Variants in IRS1 observed in about 807,000 individuals in gnomAD.
IRS1 encodes insulin receptor substrate 1.
IRS1 carries 34 observed loss-of-function variants against 65.6 expected under a neutral mutation model. The ratio of observed to expected loss-of-function variants is 0.52; its 90% confidence interval spans 0.39 to 0.69. The LOEUF is 0.69. Ranked by LOEUF, IRS1 falls within the 30% of genes least tolerant of loss-of-function variation. The pLI, the probability that IRS1 is intolerant of heterozygous loss-of-function variation, is 0.00. For missense variants in IRS1, 1,641 were observed against 1,720.2 expected (o/e 0.95, Z 0.81); for synonymous variants, 699 against 683.5 (o/e 1.02, Z -0.35).
Position 226,794,910 on chromosome 2 carries a change from G to A in IRS1, c.*21+79C>T, listed in dbSNP as rs1939677511. The A allele has an allele frequency of 1.6e-6, 2 of 1,252,796 alleles. No homozygotes were observed. Among genetic ancestry groups the A allele is most frequent in the African/African-American group, 2.9e-5 (2 of 67,984 alleles). The allele number at this position is 1,252,796 out of a possible 1,614,324, so 77.6% of individuals were successfully genotyped here. A position where few individuals can be genotyped will look rare whatever the true frequency, so the allele number is the denominator to read the frequency against. Reference sequence around the variant, plus strand: ...AGGAAGCAGTGGGAAAGAACAGGAAGGGGCAGAGGCGAAGAACAGAATTCA... The same window carrying A: ...AGGAAGCAGTGGGAAAGAACAGGAAAGGGCAGAGGCGAAGAACAGAATTCA... On this transcript the variant is annotated intron_variant, in intron 1 of 1. Coordinates refer to ENST00000305123, the MANE Select transcript of IRS1 (RefSeq NM_005544.3). This position sits in a 1 kb window ranked among gnomAD's most constrained non-coding sequence, Gnocchi z 4.1.
At chr2:226,770,442 C>A (rs1231525417) in intron 1 of IRS1, among the ~76,000 whole-genome samples, 1 of 152,162 alleles carries the variant, frequency 6.6e-6, no homozygotes, top group Non-Finnish European at 1.5e-5. Flanking sequence ...CTGTTTAGTG[C>A]CTATTTCTCC....
intron 1 of IRS1, among the ~76,000 whole-genome samples, chr2:226,744,130 C>T (rs903596084): frequency 1.1e-4 from 17 of 152,142 alleles, no homozygotes; most frequent in African/African-American, 1.7e-4. Flanking sequence ...TGGTCTGCAG[C>T]GGACTGAGGT....
intron 1 of IRS1, among the ~76,000 whole-genome samples, chr2:226,756,898 G>C (rs1938814521): frequency 6.6e-6 from 1 of 152,020 alleles, no homozygotes; most frequent in South Asian, 2.1e-4. Flanking sequence ...GGAGGTGGAG[G>C]TTGCAGTGAG....
At chr2:226,769,320 T>G (rs1438657979) in intron 1 of IRS1, among the ~76,000 whole-genome samples, 1 of 152,192 alleles carries the variant, frequency 6.6e-6, no homozygotes, top group Admixed American at 6.5e-5. Context: ...TCACTGGCAG[T>G]GCAGTACACA....
chr2:226,799,141 C>G lies in IRS1; in HGVS notation c.-403G>C, dbSNP rs1201281209. ...GGTCCCTGCGGTGCCCCTCCAGGAG[C>G]GCGCGCGCGCGCGCGCCTTCCCTCC... On this transcript the variant is annotated 5_prime_UTR_variant, in exon 1 of 2. Coordinates refer to ENST00000305123, the MANE Select transcript of IRS1 (RefSeq NM_005544.3). The surrounding 1 kb of genome is among the most constrained non-coding windows in gnomAD (Gnocchi z 6.1). 2.1e-6 allele frequency: 2 copies of G among 944,234 alleles called. No individual in the cohort carries two copies. The highest frequency in any genetic ancestry group is 1.8e-5 in the African/African-American group (1 of 56,630). The allele number at this position is 944,234 out of a possible 1,614,324, so 58.5% of individuals were successfully genotyped here. A position where few individuals can be genotyped will look rare whatever the true frequency, so the allele number is the denominator to read the frequency against.
chr2:226,788,217 A>T (rs1939522614), intron 1 of IRS1, among the ~76,000 whole-genome samples: 1 of 152,122 alleles, frequency 6.6e-6, no homozygotes, highest in East Asian at 1.9e-4. Flanking sequence ...TTGGGATGGT[A>T]AAAAGGAATA....
chr2:226,756,565 A>G (rs1938806289), intron 1 of IRS1, among the ~76,000 whole-genome samples: 1 of 152,230 alleles, frequency 6.6e-6, no homozygotes, highest in Non-Finnish European at 1.5e-5. Flanking sequence ...GATCAATTAT[A>G]ATATGCTTAT....
intron 1 of IRS1, among the ~76,000 whole-genome samples, chr2:226,779,785 A>G (rs1939345687): frequency 6.6e-6 from 1 of 152,208 alleles, no homozygotes; most frequent in East Asian, 1.9e-4. Context: ...TTTAGAATAC[A>G]CATTCCATTA....
intron 1 of IRS1, among the ~76,000 whole-genome samples, chr2:226,759,903 T>C (rs1244100216): frequency 6.6e-6 from 1 of 152,196 alleles, no homozygotes; most frequent in East Asian, 1.9e-4. Flanking sequence ...CGCTGGGTGC[T>C]GTGGCTCACA....
At position 226,797,604 on chromosome 2, in the gene IRS1, C is replaced by T. The variant is rs1939766338; in HGVS notation, c.1135G>A (p.Ala379Thr). Residue 379 changes from alanine (A) to threonine (T), a missense_variant, in exon 1 of 2, where the codon GCT (alanine) becomes ACT (threonine). Physicochemically the swap from Ala to Thr is moderately conservative, Grantham distance 58 (BLOSUM62 0). This residue lies in a region of IRS1 where 1,324 missense variants were observed against 1,361.0 expected (regional missense o/e 0.97). Transcript: ENST00000305123. This position sits in a 1 kb window ranked among gnomAD's most constrained non-coding sequence, Gnocchi z 8.1. ...GTGGCCGAAGGCGAGCAGCGGGAAG[C>T]CGGCATGGGGATGGAGCGGCTGTGG... is the stretch of plus-strand genomic sequence containing the variant. ...LNHSRSIPMP[A>T]SRCSPSATSP... is the part of the protein sequence containing the mutation. The T allele has an allele frequency of 6.3e-7, 1 of 1,587,936 alleles. No individual in the cohort carries two copies.
intron 1 of IRS1, among the ~76,000 whole-genome samples, chr2:226,788,327 A>G (rs536803007): frequency 6.6e-6 from 1 of 152,288 alleles, no homozygotes; most frequent in Non-Finnish European, 1.5e-5. Flanking sequence ...TGCAACTAGA[A>G]TCATAGTCTG....
rs2229613 is a variant in IRS1 at position 226,795,973 on chromosome 2, C to T, written c.2766G>A (p.Arg922=). Residue 922 remains arginine, a synonymous_variant, in exon 1 of 2, where the codon AGG becomes AGA. Coordinates refer to ENST00000305123, the MANE Select transcript of IRS1 (RefSeq NM_005544.3). ...PVAFHSSPSV[R]CPSQLQPAPR... ...GAGCTGGCTGGAGCTGGGATGGACA[C>T]CTGACAGAAGGTGAGCTGTGGAAAG... The T allele has an allele frequency of 5.2e-3, 8,364 of 1,614,118 alleles. 382 individuals carry two copies. The African/African-American group carries it at 0.096, about 18-fold the overall frequency.
intron 1 of IRS1, among the ~76,000 whole-genome samples, chr2:226,780,163 C>T (rs911626030): frequency 2.0e-5 from 3 of 152,048 alleles, no homozygotes; most frequent in Admixed American, 6.6e-5. Flanking sequence ...GAGGCCGAGG[C>T]GGGCGAAACA....
At chr2:226,783,319 T>C (rs1437973559) in intron 1 of IRS1, among the ~76,000 whole-genome samples, 1 of 152,260 alleles carries the variant, frequency 6.6e-6, no homozygotes, top group Non-Finnish European at 1.5e-5. Flanking sequence ...AAGTACATTA[T>C]GTATTTTCTG....
intron 1 of IRS1, among the ~76,000 whole-genome samples, chr2:226,763,017 T>C (rs1447474517): frequency 1.3e-5 from 2 of 152,196 alleles, no homozygotes; most frequent in South Asian, 2.1e-4. Context: ...TTTGGGAACA[T>C]TTATATCATC....
intron 1 of IRS1, among the ~76,000 whole-genome samples, chr2:226,751,675 C>G (rs997141013): frequency 2.6e-5 from 4 of 151,946 alleles, no homozygotes; most frequent in South Asian, 2.1e-4. Context: ...GAAGAGGGAT[C>G]GAAGCTGTGA....
intron 1 of IRS1, among the ~76,000 whole-genome samples, chr2:226,761,746 C>T (rs913380327): frequency 6.6e-6 from 1 of 151,040 alleles, no homozygotes; most frequent in Non-Finnish European, 1.5e-5. Flanking sequence ...AAATCCAAAA[C>T]TCTGGAAGAG....
rs769228929 is a variant in IRS1 at position 226,795,506 on chromosome 2, C to A, written c.3233G>T (p.Ser1078Ile). 3 of 1,613,472 alleles carry A rather than the reference C, an allele frequency of 1.9e-6. No individual in the cohort carries two copies. Among genetic ancestry groups the A allele is most frequent in the Non-Finnish European group, 2.5e-6 (3 of 1,180,020 alleles). ...GMSAFTRVNL[S>I]PNRNQSAKVI... ...TTTGGCACTCTGGTTGCGGTTAGGA[C>A]TGAGGTTCACCCGGGTGAAGGCGCT... The change falls in exon 1 of 2, where the codon AGT (serine) becomes ATT (isoleucine). Residue 1078 changes from serine (S) to isoleucine (I), a missense_variant. Transcript: ENST00000305123.
chr2:226,772,999 A>G (rs533321779), intron 1 of IRS1, among the ~76,000 whole-genome samples: 62 of 152,250 alleles, frequency 4.1e-4, no homozygotes, highest in Non-Finnish European at 7.9e-4. Context: ...ATGCAAATAT[A>G]GTCCAGTAAT....
Sources: allele counts gnomAD v4.1 joint callset (sites outside exome capture counted in the v4.1 genomes callset), GRCh38; gene constraint gnomAD v4.1.1; regional missense constraint gnomAD v4.1.1; non-coding constraint Gnocchi (gnomAD v3.1); transcripts MANE v1.5; gene names NCBI Gene and HGNC (gene_info 2026-07-23, HGNC 2026-07-21).